Variants in GRID2 observed in about 807,000 individuals in gnomAD.
The protein encoded by GRID2 is glutamate receptor ionotropic, delta-2.
GRID2 carries 33 observed loss-of-function variants against 114.8 expected under a neutral mutation model. The observed-to-expected ratio is 0.29, with a 90% CI of 0.22 to 0.38. GRID2 has a LOEUF of 0.38. Among genes scored for constraint, GRID2 ranks in the 10% least tolerant of loss-of-function variants. The pLI, the probability that GRID2 is intolerant of heterozygous loss-of-function variation, is 1.00. For missense variants in GRID2, 1,184 were observed against 1,257.7 expected (o/e 0.94, Z 0.89); for synonymous variants, 505 against 449.9 (o/e 1.12, Z -1.55).
intron 14 of GRID2, among the ~76,000 whole-genome samples, chr4:93,708,811 T>C (rs1728230211): frequency 6.6e-6 from 1 of 152,016 alleles, no homozygotes; most frequent in Non-Finnish European, 1.5e-5. Flanking sequence ...GAAATGATTT[T>C]TCTTTGATGG....
chr4:93,453,316 A>AAGAGAGAGAG lies in GRID2; in HGVS notation c.1546-2311_1546-2302dup, dbSNP rs3044025. ...GACTATACAAAACTCAGAGATGGGA[A>AAGAGAGAGAG]AGAGAGAGAGAGAGAGAGAGAGAGA... On this transcript the variant is annotated intron_variant, in intron 10 of 15. Transcript: ENST00000282020. Among the ~76,000 whole-genome samples the AAGAGAGAGAG allele has an allele frequency of 5.6e-3, 717 of 127,164 alleles. 7 individuals carry two copies. Among genetic ancestry groups the AAGAGAGAGAG allele is most frequent in the East Asian group, 0.045 (149 of 3,280 alleles). 83.4% of individuals were successfully genotyped at this position (127,164 alleles called of 152,430 possible). A position where few individuals can be genotyped will look rare whatever the true frequency, so the allele number is the denominator to read the frequency against.
intron 2 of GRID2, among the ~76,000 whole-genome samples, chr4:92,955,827 C>G (rs1023722321): frequency 6.6e-6 from 1 of 152,140 alleles, no homozygotes; most frequent in East Asian, 1.9e-4. Flanking sequence ...TTTCAGCTTT[C>G]TACATATGGC....
chr4:93,140,569 C>T (rs550709381), intron 4 of GRID2, among the ~76,000 whole-genome samples: 2 of 152,298 alleles, frequency 1.3e-5, no homozygotes, highest in Admixed American at 1.3e-4. Flanking sequence ...CCTTACCTCA[C>T]GTACCCTCTG....
chr4:92,673,442 A>G (rs956651100), intron 2 of GRID2, among the ~76,000 whole-genome samples: 2 of 152,204 alleles, frequency 1.3e-5, no homozygotes, highest in Non-Finnish European at 2.9e-5. Flanking sequence ...TTTAAAATTT[A>G]ATAAAATATT....
At chr4:93,599,798 A>T (rs1026320863) in intron 13 of GRID2, among the ~76,000 whole-genome samples, 1 of 152,156 alleles carries the variant, frequency 6.6e-6, no homozygotes, top group Non-Finnish European at 1.5e-5. Flanking sequence ...ACAGATCAAG[A>T]CAGCTAGCAT....
At position 92,560,107 on chromosome 4, in the gene GRID2, TCTC is replaced by T. The variant is rs1344021670; in HGVS notation, c.89-30019_89-30017del. Among the ~76,000 whole-genome samples the T allele has an allele frequency of 6.6e-5, 10 of 152,244 alleles. No homozygotes were observed. The East Asian group carries it at 1.7e-3, about 27-fold the overall frequency. ...TTAGGAGTTCTAAATGAGGGACATA[TCTC>T]CTCCATATTCCATAATCCAAAATGG... On this transcript the variant is annotated intron_variant, in intron 1 of 15. Transcript: ENST00000282020.
intron 2 of GRID2, among the ~76,000 whole-genome samples, chr4:92,870,896 A>T (rs1039904909): frequency 6.6e-6 from 1 of 152,236 alleles, no homozygotes; most frequent in Admixed American, 6.5e-5. Context: ...ATATAAAATC[A>T]TATGAATAAC....
chr4:93,430,815 T>C (rs1769339207), intron 10 of GRID2, among the ~76,000 whole-genome samples: 1 of 152,172 alleles, frequency 6.6e-6, no homozygotes, highest in Admixed American at 6.5e-5. Context: ...AGGAGAAATA[T>C]AGCCTGATGA....
intron 2 of GRID2, among the ~76,000 whole-genome samples, chr4:93,039,016 C>T (rs1725223875): frequency 6.6e-6 from 1 of 152,040 alleles, no homozygotes; most frequent in Non-Finnish European, 1.5e-5. Flanking sequence ...GACACATGCA[C>T]ACATATGTTT....
chr4:92,305,775 C>G (rs998394035), intron 1 of GRID2, among the ~76,000 whole-genome samples: 4 of 152,162 alleles, frequency 2.6e-5, no homozygotes, highest in Admixed American at 2.6e-4. Context: ...CTTGCTAATC[C>G]GTGAGAGCTG....
chr4:92,504,589 A>G (rs551514691), intron 1 of GRID2, among the ~76,000 whole-genome samples: 8 of 152,156 alleles, frequency 5.3e-5, no homozygotes, highest in Non-Finnish European at 7.4e-5. Context: ...GTTTTGGTGC[A>G]GTTGTTGAGA....
chr4:92,396,171 A>C (rs886381330), intron 1 of GRID2, among the ~76,000 whole-genome samples: 1 of 151,930 alleles, frequency 6.6e-6, no homozygotes, highest in Non-Finnish European at 1.5e-5. Context: ...GGAAATTTGC[A>C]CTGTAAATTA....
chr4:93,508,402 G>T (rs1485580162), intron 12 of GRID2, among the ~76,000 whole-genome samples: 1 of 151,794 alleles, frequency 6.6e-6, no homozygotes, highest in African/African-American at 2.4e-5. Context: ...TCACCATGTT[G>T]GCCAGGATAC....
intron 9 of GRID2, among the ~76,000 whole-genome samples, chr4:93,413,161 G>A (rs1767372028): frequency 6.6e-6 from 1 of 152,060 alleles, no homozygotes; most frequent in Admixed American, 6.6e-5. Context: ...AGATCCTTGA[G>A]GAATCGCCAC....
intron 2 of GRID2, among the ~76,000 whole-genome samples, chr4:92,620,453 A>G (rs1730215226): frequency 6.6e-6 from 1 of 151,750 alleles, no homozygotes; most frequent in South Asian, 2.1e-4. Flanking sequence ...TGAATAACTT[A>G]TTATATATCT....
chr4:93,512,294 T>C (rs1729269906), intron 12 of GRID2, among the ~76,000 whole-genome samples: 1 of 152,200 alleles, frequency 6.6e-6, no homozygotes. Context: ...TTACCATTTG[T>C]TGAATGACCT....
intron 12 of GRID2, among the ~76,000 whole-genome samples, chr4:93,513,916 C>T (rs1432547721): frequency 1.3e-5 from 2 of 152,156 alleles, no homozygotes; most frequent in Non-Finnish European, 2.9e-5. Context: ...CAAAGATCCT[C>T]AGGAAATCAT....
chr4:92,988,994 C>G (rs1754677811), intron 2 of GRID2, among the ~76,000 whole-genome samples: 1 of 151,842 alleles, frequency 6.6e-6, no homozygotes, highest in South Asian at 2.1e-4. Flanking sequence ...ATATAAAAAT[C>G]CCTGGCCAGG....
intron 11 of GRID2, among the ~76,000 whole-genome samples, chr4:93,479,179 A>G (rs1725611259): frequency 6.6e-6 from 1 of 152,076 alleles, no homozygotes; most frequent in African/African-American, 2.4e-5. Flanking sequence ...TATACCTAAA[A>G]AGCAATATAC....
Sources: gnomAD v4.1 joint callset for allele counts (sites outside exome capture counted in the v4.1 genomes callset) on GRCh38, gnomAD v4.1.1 for gene constraint, MANE v1.5 for transcripts, NCBI Gene and HGNC (gene_info 2026-07-23, HGNC 2026-07-21) for gene names.